The following SYT3 variants were observed in gnomAD, a reference collection of about 807,000 sequenced individuals.
SYT3 encodes synaptotagmin 3.
SYT3 carries 25 observed loss-of-function variants against 50.6 expected under a neutral mutation model. The observed-to-expected ratio is 0.49, with a 90% CI of 0.36 to 0.69. The LOEUF (loss-of-function observed/expected upper bound fraction) is 0.69. Ranked by LOEUF, SYT3 falls within the 30% of genes least tolerant of loss-of-function variation. The pLI, the probability that SYT3 is intolerant of heterozygous loss-of-function variation, is 0.00. For synonymous variants in SYT3, 323 were observed against 353.9 expected (o/e 0.91, Z 0.98); for missense variants, 589 against 793.6 (o/e 0.74, Z 3.10).
chr19:50,629,299 C>T lies in SYT3; in HGVS notation c.1276G>A (p.Gly426Ser), dbSNP rs745650170. The T allele has an allele frequency of 2.5e-5, 40 of 1,598,252 alleles. No homozygotes were observed. Among genetic ancestry groups the T allele is most frequent in the East Asian group, 1.8e-4 (8 of 44,502 alleles). Residue 426 changes from glycine to serine, a missense_variant, in exon 6 of 11, where the codon GGC becomes AGC. Gly to Ser is a moderately conservative substitution (Grantham distance 56). This residue lies in a region of SYT3 where 273 missense variants were observed against 439.3 expected (regional missense o/e 0.62). Transcript: ENST00000600079. The stretch of plus-strand genomic sequence containing the variant: ...CAGGGGAGAGGGCCACTGACCGAGC[C>T]GCCCTCCACGATGTCCCTCCAGAGC... ...RPLWRDIVEG[G>S]SEKADLGELN... is the part of the protein sequence containing the mutation.
rs1568417379 is a variant in SYT3 at position 50,637,281 on chromosome 19, G to A, written c.131C>T (p.Pro44Leu). 13 of 1,613,262 alleles carry A rather than the reference G, an allele frequency of 8.1e-6. No homozygotes were observed. The highest frequency in any genetic ancestry group is 1.0e-5 in the Non-Finnish European group (12 of 1,179,856). Residue 44 changes from proline (P) to leucine (L), a missense_variant, in exon 3 of 11, where the codon CCC becomes CTC. Pro to Leu is a moderately conservative substitution (Grantham distance 98). Transcript: ENST00000600079. The surrounding 1 kb of genome is among the most constrained non-coding windows in gnomAD (Gnocchi z 4.9). ...GTGCTGACCTGCATCTGGACCCCGG[G>A]GATAGCCTCGGATTCGGTCATTGAA... is the stretch of plus-strand genomic sequence containing the variant. ...QEFNDRIRGY[P>L]RGPDADISVS...
rs202126818 is a variant in SYT3 at position 50,625,557 on chromosome 19, G to A, written c.1410C>T (p.Tyr470=). The A allele has an allele frequency of 4.1e-5, 65 of 1,590,114 alleles. No homozygotes were observed. Among genetic ancestry groups the A allele is most frequent in the Admixed American group, 1.2e-4 (7 of 56,570 alleles). ...CCTCGCTGATCAGGGAGGCCTTCACGTAGGGGTCTGGGAACAGCAATGAAG... is the reference window on the plus strand; with the variant it reads ...CCTCGCTGATCAGGGAGGCCTTCACATAGGGGTCTGGGAACAGCAATGAAG... ...AMDLTGFSDP[Y]VKASLISEGR... is the part of the protein sequence containing the mutation. Residue 470 remains tyrosine, a synonymous_variant, in exon 8 of 11, where the codon TAC becomes TAT. Transcript: ENST00000600079. This position sits in a 1 kb window ranked among gnomAD's most constrained non-coding sequence, Gnocchi z 7.5.
chr19:50,622,632 C>T, intron 10 of SYT3, 55 bp downstream of exon 10: 1 of 1,185,346 alleles, frequency 8.4e-7, no homozygotes, highest in Non-Finnish European at 1.3e-6. Context: ...GCCCCTCCTC[C>T]CTCAGACGCA....
chr19:50,652,804 G>T, the SYT3 span, among the ~76,000 whole-genome samples: 2 of 152,170 alleles, frequency 1.3e-5, no homozygotes, highest in African/African-American at 4.8e-5. Flanking sequence ...TAACTGGAGA[G>T]CGAGAGGAGT....
At chr19:50,651,972 G>A in the SYT3 span, among the ~76,000 whole-genome samples, 2 of 152,006 alleles carry the variant, frequency 1.3e-5, no homozygotes, top group African/African-American at 4.8e-5. Context: ...GCTTGTACAA[G>A]GCTATTTTTT....
Position 50,632,178 on chromosome 19 carries a change from C to A in SYT3, c.674+108G>T. ...TTTCCCTAAGATCCAGGAGTCAATA[C>A]CCCGATTCCCCTCCAAATCCCGAAC... On this transcript the variant is annotated intron_variant, in intron 4 of 10. Coordinates refer to ENST00000600079, the MANE Select transcript of SYT3 (RefSeq NM_001160329.2). The surrounding 1 kb of genome is among the most constrained non-coding windows in gnomAD (Gnocchi z 4.7). 1 of 1,253,750 alleles carries A rather than the reference C, an allele frequency of 8.0e-7. No homozygotes were observed. The highest frequency in any genetic ancestry group is 1.5e-5 in the African/African-American group (1 of 66,382). The allele number at this position is 1,253,750 out of a possible 1,614,324, so 77.7% of individuals were successfully genotyped here. A position where few individuals can be genotyped will look rare whatever the true frequency, so the allele number is the denominator to read the frequency against.
chr19:50,633,843 A>C (rs1407053108), intron 3 of SYT3, among the ~76,000 whole-genome samples: 1 of 152,226 alleles, frequency 6.6e-6, no homozygotes, highest in Non-Finnish European at 1.5e-5. Context: ...GTATACCCAT[A>C]GTTACCTGCT....
chr19:50,625,999 C>T lies in SYT3; in HGVS notation c.1300G>A (p.Glu434Lys). 6.2e-7 allele frequency: 1 copy of T among 1,613,932 alleles called. No individual in the cohort carries two copies. Among genetic ancestry groups the T allele is most frequent in the Non-Finnish European group, 8.5e-7 (1 of 1,179,934 alleles). Residue 434 changes from glutamate to lysine, a missense_variant, in exon 7 of 11, where the codon GAG (glutamate) becomes AAG (lysine). Coordinates refer to ENST00000600079, the MANE Select transcript of SYT3 (RefSeq NM_001160329.2). The surrounding 1 kb of genome is among the most constrained non-coding windows in gnomAD (Gnocchi z 7.5). ...AGGTAGCAGAGTGAGAAGTTGAGCT[C>T]CCCAAGATCTGCTTTTTCCTGCAGT... is the stretch of plus-strand genomic sequence containing the variant. The part of the protein sequence containing the change: ...EGGSEKADLG[E>K]LNFSLCYLPT...
At chr19:50,655,223 G>A in the SYT3 span, among the ~76,000 whole-genome samples, 92,788 of 151,984 alleles carry the variant, frequency 0.61, 29,680 homozygotes, top group Middle Eastern at 0.7. Flanking sequence ...AAAATGGAGT[G>A]CATGGAACAA....
chr19:50,647,723 G>A, the SYT3 span, among the ~76,000 whole-genome samples: 1 of 152,198 alleles, frequency 6.6e-6, no homozygotes, highest in Admixed American at 6.5e-5. Flanking sequence ...GAGAGGACGA[G>A]GTCTGAGTGG....
rs1984067099 is a variant in SYT3, at chr19:50,626,479, A to G, written c.1282-462T>C. Among the ~76,000 whole-genome samples the G allele has an allele frequency of 2.9e-5, 4 of 136,570 alleles. No homozygotes were observed. In the Admixed American group the frequency reaches 3.1e-4, roughly 11 times the overall value. 89.6% of individuals were successfully genotyped at this position (136,570 alleles called of 152,430 possible). The stretch of plus-strand genomic sequence containing the variant: ...GAGGGAGACAGAGACCCAGAGAGAG[A>G]GGGGGACAGAGGCCCAGAGAGAGAG... On this transcript the variant is annotated intron_variant, in intron 6 of 10. Coordinates refer to ENST00000600079, the MANE Select transcript of SYT3 (RefSeq NM_001160329.2).
At chr19:50,652,175 T>C in the SYT3 span, among the ~76,000 whole-genome samples, 1 of 152,202 alleles carries the variant, frequency 6.6e-6, no homozygotes, top group Non-Finnish European at 1.5e-5. Flanking sequence ...TATCATCTCA[T>C]ACCTAGTACA....
At chr19:50,645,139 T>C in the SYT3 span, among the ~76,000 whole-genome samples, 3 of 152,238 alleles carry the variant, frequency 2.0e-5, no homozygotes, top group African/African-American at 7.2e-5. Flanking sequence ...ACACACCTTT[T>C]GGCCAGGGCT....
chr19:50,636,688 G>A (rs1377643990), intron 3 of SYT3, among the ~76,000 whole-genome samples: 2 of 152,184 alleles, frequency 1.3e-5, no homozygotes, highest in Non-Finnish European at 2.9e-5. Flanking sequence ...TGTTGAAAAT[G>A]GGGATTATAT....
intron 6 of SYT3, 57 bp downstream of exon 6, chr19:50,629,236 CA>C (rs1984185434): frequency 1.5e-5 from 21 of 1,430,284 alleles, no homozygotes; most frequent in Non-Finnish European, 2.0e-5. Flanking sequence ...AGGGGGCTTG[CA>C]ACCCGGGGGG....
At chr19:50,647,195 G>A in the SYT3 span, among the ~76,000 whole-genome samples, 1 of 152,114 alleles carries the variant, frequency 6.6e-6, no homozygotes, top group Non-Finnish European at 1.5e-5. Flanking sequence ...GAGGGGTGAG[G>A]TTGGGAGAGG....
chr19:50,625,141 C>T lies in SYT3; in HGVS notation c.1707+21G>A, dbSNP rs61743902. 49 of 1,541,462 alleles carry T rather than the reference C, an allele frequency of 3.2e-5. No homozygotes were observed. The African/African-American group carries it at 4.0e-4, about 13-fold the overall frequency. Reference sequence around the variant, plus strand: ...GGGTGCACGGGTGCTTGTCAGGGGTCGGTGTGGGACCCCTACTCACCTCCA... The same window carrying T: ...GGGTGCACGGGTGCTTGTCAGGGGTTGGTGTGGGACCCCTACTCACCTCCA... On this transcript the variant is annotated intron_variant, in intron 9 of 10. Coordinates refer to ENST00000600079, the MANE Select transcript of SYT3 (RefSeq NM_001160329.2). This position sits in a 1 kb window ranked among gnomAD's most constrained non-coding sequence, Gnocchi z 7.5.
At position 50,637,506 on chromosome 19, in the gene SYT3, G is replaced by T; in HGVS notation, c.-15-80C>A. 2 of 1,301,158 alleles carry T rather than the reference G, an allele frequency of 1.5e-6. No homozygotes were observed. The highest frequency in any genetic ancestry group is 1.5e-5 in the African/African-American group (1 of 68,394). The allele number at this position is 1,301,158 out of a possible 1,614,324, so 80.6% of individuals were successfully genotyped here. A position where few individuals can be genotyped will look rare whatever the true frequency, so the allele number is the denominator to read the frequency against. On this transcript the variant is annotated intron_variant, in intron 2 of 10. Coordinates refer to ENST00000600079, the MANE Select transcript of SYT3 (RefSeq NM_001160329.2). This position sits in a 1 kb window ranked among gnomAD's most constrained non-coding sequence, Gnocchi z 4.9. ...AGGGTGGGCAGGTGTGGAGATAAGG[G>T]TGGAAAGAGACACCGAGAAAAGGAA... is the stretch of plus-strand genomic sequence containing the variant.
At chr19:50,650,766 C>T in the SYT3 span, among the ~76,000 whole-genome samples, 60 of 152,356 alleles carry the variant, frequency 3.9e-4, no homozygotes, top group African/African-American at 1.4e-3. Flanking sequence ...CCCACCTCAG[C>T]CTTCGAGGCC....
Sources: gnomAD v4.1 joint callset for allele counts (sites outside exome capture counted in the v4.1 genomes callset) on GRCh38, gnomAD v4.1.1 for gene constraint, gnomAD v4.1.1 regional missense constraint, Gnocchi (gnomAD v3.1) non-coding constraint, MANE v1.5 for transcripts, NCBI Gene and HGNC (gene_info 2026-07-23, HGNC 2026-07-21) for gene names.